Variants in FHIT observed in about 807,000 individuals in gnomAD.
FHIT encodes bis(5'-adenosyl)-triphosphatase.
FHIT carries 19 observed loss-of-function variants against 17.9 expected under a neutral mutation model. The observed-to-expected ratio is 1.06, with a 90% CI of 0.74 to 1.56. The LOEUF is 1.56. FHIT is among the 40% of genes most tolerant of loss of function. The pLI, the probability that FHIT is intolerant of heterozygous loss-of-function variation, is 0.00. For synonymous variants in FHIT, 81 were observed against 69.7 expected, an observed-to-expected ratio of 1.16 and a Z score of -0.81; for missense variants, 248 against 189.2, an observed-to-expected ratio of 1.31 and a Z score of -1.82.
At chr3:60,089,713 A>C (rs1703650051) in intron 5 of FHIT, among the ~76,000 whole-genome samples, 1 of 152,212 alleles carries the variant, frequency 6.6e-6, no homozygotes, top group African/African-American at 2.4e-5. Flanking sequence ...GATCTGGGAA[A>C]TCCAAGATCA....
At position 59,748,650 on chromosome 3, in the gene FHIT, A is replaced by ATGGGACAGGGAGAAGGAAGTGGC. The variant is rs1700722826; in HGVS notation, c.*912_*934dup. On this transcript the variant is annotated 3_prime_UTR_variant, in exon 10 of 10. Transcript: ENST00000492590. ...GACTATTTGGAGGGTACAAGGGGAG[A>ATGGGACAGGGAGAAGGAAGTGGC]TGGGACAGGGAGAAGGAAGTGGCTA... Among the ~76,000 whole-genome samples, 2 of 152,046 alleles carry ATGGGACAGGGAGAAGGAAGTGGC rather than the reference A, an allele frequency of 1.3e-5. No individual in the cohort carries two copies. Among genetic ancestry groups the ATGGGACAGGGAGAAGGAAGTGGC allele is most frequent in the Non-Finnish European group, 2.9e-5 (2 of 67,992 alleles).
At chr3:60,826,168 AGG>A (rs1702109608) in intron 3 of FHIT, among the ~76,000 whole-genome samples, 3 of 59,358 alleles carry the variant, frequency 5.1e-5, no homozygotes, top group Non-Finnish European at 7.1e-5. Context: ...GAAGGAAGGA[AGG>A]AAGGAAGGAA....
At chr3:59,939,193 G>T (rs12496762) in intron 7 of FHIT, among the ~76,000 whole-genome samples, 9 of 152,126 alleles carry the variant, frequency 5.9e-5, no homozygotes, top group Admixed American at 3.9e-4. Context: ...AATTGATCAT[G>T]TTTCTTTTTC....
At chr3:59,749,656 C>T (rs1032562152) in intron 9 of FHIT, 77 bp from the exon 10 acceptor site, 1 of 230,260 alleles carries the variant, frequency 4.3e-6, no homozygotes, top group Non-Finnish European at 8.6e-6. Flanking sequence ...AATGAGGAGG[C>T]AAATGGTTAG....
At chr3:60,596,944 G>C (rs1415232780) in intron 4 of FHIT, among the ~76,000 whole-genome samples, 2 of 152,090 alleles carry the variant, frequency 1.3e-5, no homozygotes, top group South Asian at 2.1e-4. Flanking sequence ...AAAAAAATGT[G>C]CTTTGAACTA....
At chr3:60,161,003 G>A (rs902668076) in intron 5 of FHIT, among the ~76,000 whole-genome samples, 7 of 152,088 alleles carry the variant, frequency 4.6e-5, no homozygotes, top group South Asian at 2.1e-4. Flanking sequence ...AAGAAACAGT[G>A]TATTTCTTTT....
At chr3:61,043,463 C>T (rs116501721) in intron 2 of FHIT, among the ~76,000 whole-genome samples, 7,046 of 152,206 alleles carry the variant, frequency 0.046, 189 homozygotes, top group African/African-American at 0.054. Context: ...AGTAGGAAAA[C>T]AAAGAGGCCC....
intron 2 of FHIT, among the ~76,000 whole-genome samples, chr3:61,049,237 T>TTG (rs1454225789): frequency 9.7e-4 from 146 of 151,176 alleles, no homozygotes; most frequent in Admixed American, 1.3e-3. Context: ...TGGTAACCAA[T>TTG]GTTACCAAAT....
At chr3:60,446,541 T>C (rs1268699114) in intron 5 of FHIT, among the ~76,000 whole-genome samples, 1 of 152,084 alleles carries the variant, frequency 6.6e-6, no homozygotes, top group African/African-American at 2.4e-5. Context: ...GCAACTCTAC[T>C]TATTTTAACC....
intron 5 of FHIT, among the ~76,000 whole-genome samples, chr3:60,275,488 T>C (rs1707085069): frequency 6.6e-6 from 1 of 152,214 alleles, no homozygotes. Context: ...TTGTATATTC[T>C]TTTCCTATAG....
intron 2 of FHIT, among the ~76,000 whole-genome samples, chr3:61,192,419 C>A (rs1236005889): frequency 6.6e-6 from 1 of 152,192 alleles, no homozygotes; most frequent in Non-Finnish European, 1.5e-5. Flanking sequence ...CAAAGGCACC[C>A]TGGTGGGTCC....
chr3:60,835,882 T>G (rs1702522115), intron 3 of FHIT, among the ~76,000 whole-genome samples: 1 of 152,220 alleles, frequency 6.6e-6, no homozygotes, highest in African/African-American at 2.4e-5. Context: ...CCCATCGTGT[T>G]GGGATGACAG....
At chr3:60,330,022 C>G (rs905705106) in intron 5 of FHIT, among the ~76,000 whole-genome samples, 1 of 152,138 alleles carries the variant, frequency 6.6e-6, no homozygotes, top group African/African-American at 2.4e-5. Flanking sequence ...TAACTTATAG[C>G]CGATTGTGGT....
At chr3:60,803,752 GC>G (rs1232740768) in intron 4 of FHIT, among the ~76,000 whole-genome samples, 1 of 152,028 alleles carries the variant, frequency 6.6e-6, no homozygotes, top group African/African-American at 2.4e-5. Context: ...GCTCCTCCCT[GC>G]CATTTTCCCC....
intron 5 of FHIT, among the ~76,000 whole-genome samples, chr3:60,367,189 T>A (rs1468287396): frequency 1.3e-5 from 2 of 152,206 alleles, no homozygotes; most frequent in Non-Finnish European, 2.9e-5. Flanking sequence ...TCAGTGTTTT[T>A]AATGTTTTAT....
At chr3:60,860,650 C>CAT (rs1410312641) in intron 3 of FHIT, among the ~76,000 whole-genome samples, 657 of 26,120 alleles carry the variant, frequency 0.025, 157 homozygotes, top group Non-Finnish European at 0.054. Flanking sequence ...TACATATGTA[C>CAT]ATATATCAGG....
chr3:60,965,883 CT>C (rs1486536481), intron 3 of FHIT, among the ~76,000 whole-genome samples: 3 of 152,128 alleles, frequency 2.0e-5, no homozygotes, highest in Non-Finnish European at 4.4e-5. Flanking sequence ...CTACTTGGGT[CT>C]CAGGGACCCA....
At chr3:59,957,906 G>T (rs1304338765) in intron 7 of FHIT, among the ~76,000 whole-genome samples, 1 of 152,144 alleles carries the variant, frequency 6.6e-6, no homozygotes, top group Non-Finnish European at 1.5e-5. Flanking sequence ...AGCAAAACTA[G>T]AAATGAGAAT....
chr3:59,893,458 A>G (rs550950016), intron 8 of FHIT, among the ~76,000 whole-genome samples: 1 of 152,336 alleles, frequency 6.6e-6, no homozygotes, highest in South Asian at 2.1e-4. Context: ...TCTAATATGG[A>G]AAAAAGATCC....
Sources: gnomAD v4.1 joint callset for allele counts (sites outside exome capture counted in the v4.1 genomes callset) on GRCh38, gnomAD v4.1.1 for gene constraint, MANE v1.5 for transcripts, NCBI Gene and HGNC (gene_info 2026-07-23, HGNC 2026-07-21) for gene names.